Variants in NARS1 observed in about 807,000 individuals in gnomAD.
NARS1 encodes asparagine--tRNA ligase, cytoplasmic.
Under a neutral mutation model 79.2 loss-of-function variants are expected in NARS1, and 65 were observed. That is an observed-to-expected ratio of 0.82 (90% CI 0.67 to 1.01). The LOEUF (loss-of-function observed/expected upper bound fraction) is 1.01, where lower values mean the gene tolerates loss of function less well. Among genes scored for constraint, NARS1 ranks in the 50% least tolerant of loss-of-function variants. The pLI is 0.00. For missense variants in NARS1, 649 were observed against 673.8 expected (o/e 0.96, Z 0.41); for synonymous variants, 229 against 238.8 (o/e 0.96, Z 0.38).
At chr18:57,611,907 C>T (rs1456925678) in intron 5 of NARS1, among the ~76,000 whole-genome samples, 200 bp from the exon 6 acceptor site, 1 of 151,626 alleles carries the variant, frequency 6.6e-6, no homozygotes, top group Non-Finnish European at 1.5e-5. Context: ...GGACTACAGG[C>T]ACATGCCACC....
Position 57,615,846 on chromosome 18 carries a change from T to G in NARS1, c.223A>C (p.Met75Leu). 1 of 1,613,246 alleles carries G rather than the reference T, an allele frequency of 6.2e-7. No individual in the cohort carries two copies. Among genetic ancestry groups the G allele is most frequent in the Non-Finnish European group, 8.5e-7 (1 of 1,179,774 alleles). ...TTCTTTTCCCGGGATTCACTCTTCA[T>G]TTGTTCCCTATGCCACATCTTTTTA... ...NIKKMWHREQ[M>L]KSESREKKEA... is the part of the protein sequence containing the mutation. Residue 75 changes from methionine (M) to leucine (L), a missense_variant, in exon 3 of 14, where the codon ATG (methionine) becomes CTG (leucine). Transcript: ENST00000256854.
chr18:57,608,437 C>A (rs1178492565), intron 7 of NARS1, among the ~76,000 whole-genome samples: 33 of 78,258 alleles, frequency 4.2e-4, no homozygotes, highest in African/African-American at 5.9e-4. Flanking sequence ...AACTCCGTCT[C>A]AAAAAAAAAA....
At chr18:57,605,613 A>AG (rs2122425506) in intron 11 of NARS1, among the ~76,000 whole-genome samples, 1 of 148,432 alleles carries the variant, frequency 6.7e-6, no homozygotes, top group South Asian at 2.1e-4. Flanking sequence ...TCCGTCTCAA[A>AG]AAAAAAAAAA....
rs1908260278 is a variant in NARS1, at chr18:57,620,632, G to A, written c.30C>T (p.Asp10=). Residue 10 remains aspartate, a synonymous_variant, in exon 2 of 14, where the codon GAC becomes GAT. Transcript: ENST00000256854. ...CTCCCGTGGCATCGCTTCCCTCTCG[G>A]TCAGAGACGTACAGCTCTGCTGTTT... The part of the protein sequence containing the change: MVLAELYVS[D]REGSDATGDG... 1 of 1,613,278 alleles carries A rather than the reference G, an allele frequency of 6.2e-7. No homozygotes were observed. The highest frequency in any genetic ancestry group is 1.3e-5 in the African/African-American group (1 of 74,860).
Position 57,606,659 on chromosome 18 carries a change from A to G in NARS1, c.1094T>C (p.Ile365Thr). 6.2e-7 allele frequency: 1 copy of G among 1,614,122 alleles called. No individual in the cohort carries two copies. The highest frequency in any genetic ancestry group is 8.5e-7 in the Non-Finnish European group (1 of 1,180,002). ...TATGCTCCCTGCAGGTGACTTCAAT[A>G]TTCGATCTACCACATCACAAACCAA... Reference protein sequence around the residue: ...EDLVCDVVDRILKSPAGSIVH... With the variant: ...EDLVCDVVDRTLKSPAGSIVH... The change falls in exon 10 of 14, where the codon ATA becomes ACA. Residue 365 changes from isoleucine (I) to threonine (T), a missense_variant. By Grantham distance (89) the Ile-to-Thr change is moderately conservative. Coordinates refer to ENST00000256854, the MANE Select transcript of NARS1 (RefSeq NM_004539.4).
At chr18:57,608,497 G>A (rs1599034610) in intron 7 of NARS1, among the ~76,000 whole-genome samples, 1 of 148,672 alleles carries the variant, frequency 6.7e-6, no homozygotes. Flanking sequence ...GAAATTCTCT[G>A]AACATATTTA....
chr18:57,609,811 T>G (rs892870208), intron 6 of NARS1, among the ~76,000 whole-genome samples: 2 of 152,166 alleles, frequency 1.3e-5, no homozygotes, highest in Non-Finnish European at 2.9e-5. Flanking sequence ...TGTAATCCCA[T>G]GAAGGAGGCT....
At chr18:57,611,154 A>C (rs981125830) in intron 6 of NARS1, among the ~76,000 whole-genome samples, 1 of 151,784 alleles carries the variant, frequency 6.6e-6, no homozygotes, top group African/African-American at 2.4e-5. Flanking sequence ...TTTTGTAGAG[A>C]TAGGATTTCA....
chr18:57,609,955 G>A (rs575334424), intron 6 of NARS1, among the ~76,000 whole-genome samples: 83 of 152,206 alleles, frequency 5.5e-4, no homozygotes, highest in Non-Finnish European at 2.4e-4. Flanking sequence ...GCTGAGGTGG[G>A]AGAATTGCTT....
chr18:57,614,183 C>T (rs1056629054), intron 4 of NARS1, among the ~76,000 whole-genome samples: 2 of 152,120 alleles, frequency 1.3e-5, no homozygotes, highest in African/African-American at 4.8e-5. Context: ...GGAAATAATA[C>T]AAAAATTCAT....
At chr18:57,615,772 A>G (rs369004762) in intron 3 of NARS1, 42 bp from the exon 4 acceptor site, 51 of 1,609,902 alleles carry the variant, frequency 3.2e-5, no homozygotes, top group Non-Finnish European at 4.2e-5. Context: ...TGGTTGCCAG[A>G]GTTCTAACTT....
Position 57,615,866 on chromosome 18 carries a change from T to C in NARS1, c.203A>G (p.Lys68Arg). ...ISKSQLKNIK[K>R]MWHREQMKSE... ...CTTCATTTGTTCCCTATGCCACATCTTTTTAATGTTCTTCAACTGTGATTT... is the reference window on the plus strand; with the variant it reads ...CTTCATTTGTTCCCTATGCCACATCCTTTTAATGTTCTTCAACTGTGATTT... Residue 68 changes from lysine to arginine, a missense_variant, in exon 3 of 14, where the codon AAG becomes AGG. Coordinates refer to ENST00000256854, the MANE Select transcript of NARS1 (RefSeq NM_004539.4). 1.2e-6 allele frequency: 2 copies of C among 1,613,712 alleles called. No individual in the cohort carries two copies. Among genetic ancestry groups the C allele is most frequent in the Non-Finnish European group, 1.7e-6 (2 of 1,179,850 alleles).
At chr18:57,615,266 G>A (rs1331257609) in intron 4 of NARS1, among the ~76,000 whole-genome samples, 2 of 152,216 alleles carry the variant, frequency 1.3e-5, no homozygotes, top group African/African-American at 2.4e-5. Flanking sequence ...ACTTTGGGAG[G>A]TCGAGGTGGG....
intron 2 of NARS1, among the ~76,000 whole-genome samples, chr18:57,620,061 A>C (rs1270039448): frequency 1.3e-5 from 2 of 152,176 alleles, no homozygotes; most frequent in Non-Finnish European, 2.9e-5. Flanking sequence ...CTGAGAAATA[A>C]CAGCACTGTT....
intron 2 of NARS1, among the ~76,000 whole-genome samples, chr18:57,616,840 A>C (rs1908048948): frequency 6.6e-6 from 1 of 151,394 alleles, no homozygotes; most frequent in African/African-American, 2.4e-5. Flanking sequence ...GTCTCTACTA[A>C]AAATACAAAA....
intron 11 of NARS1, among the ~76,000 whole-genome samples, chr18:57,604,964 T>A (rs555350668): frequency 2.0e-4 from 30 of 152,190 alleles, no homozygotes; most frequent in African/African-American, 7.0e-4. Context: ...TAAGTTTACC[T>A]GGGGCACTAG....
chr18:57,602,893 T>C lies in NARS1; in HGVS notation c.1302A>G (p.Pro434=), dbSNP rs2122418977. The C allele has an allele frequency of 6.2e-7, 1 of 1,614,122 alleles. No individual in the cohort carries two copies. Among genetic ancestry groups the C allele is most frequent in the East Asian group, 2.2e-5 (1 of 44,876 alleles). ...ERLMTDTINE[P]ILLCRFPVEI... ...CCACAGGAAATCGACACAGCAAGAT[T>C]GGTTCATTAATGGTGTCTGTCATCA... The change falls in exon 12 of 14, where the codon CCA becomes CCG. Residue 434 remains proline (P), a synonymous_variant. Transcript: ENST00000256854.
chr18:57,602,268 C>T, intron 13 of NARS1, 87 bp downstream of exon 13: 1 of 1,266,486 alleles, frequency 7.9e-7, no homozygotes, highest in African/African-American at 1.5e-5. Context: ...AAAGTACTAC[C>T]CTGAATTCTC....
At chr18:57,621,503 C>A (rs973787138) in intron 1 of NARS1, among the ~76,000 whole-genome samples, 5 of 152,200 alleles carry the variant, frequency 3.3e-5, no homozygotes, top group African/African-American at 4.8e-5. Context: ...GGGGGAACGA[C>A]GGACTCGGGG....
Sources: gnomAD v4.1 joint callset for allele counts (sites outside exome capture counted in the v4.1 genomes callset) on GRCh38, gnomAD v4.1.1 for gene constraint, MANE v1.5 for transcripts, NCBI Gene and HGNC (gene_info 2026-07-23, HGNC 2026-07-21) for gene names.